ATP2B2: variants seen among roughly 807,000 people sequenced by gnomAD.
ATP2B2 encodes the protein plasma membrane calcium-transporting ATPase 2.
ATP2B2 carries 15 observed loss-of-function variants against 120.0 expected under a neutral mutation model. That is an observed-to-expected ratio of 0.12 (90% CI 0.08 to 0.19). The LOEUF is 0.19. ATP2B2 is among the 10% of genes least tolerant of loss of function. The pLI is 1.00. For missense variants in ATP2B2, 1,045 were observed against 1,719.8 expected (o/e 0.61, Z 6.94); for synonymous variants, 694 against 700.3 (o/e 0.99, Z 0.14).
At chr3:10,580,973 C>T (rs1207113899) in intron 2 of ATP2B2, among the ~76,000 whole-genome samples, 1 of 152,226 alleles carries the variant, frequency 6.6e-6, no homozygotes, top group Non-Finnish European at 1.5e-5. Context: ...CAGAAATTTG[C>T]TGACCCCCGT....
intron 22 of ATP2B2, chr3:10,331,785 G>A (rs879091030): frequency 2.8e-5 from 13 of 458,488 alleles, no homozygotes; most frequent in Middle Eastern, 5.3e-4. Context: ...CCTGGTGAGC[G>A]GGGTTTCAGA....
intron 2 of ATP2B2, among the ~76,000 whole-genome samples, chr3:10,616,789 A>C (rs1297843162): frequency 6.6e-6 from 1 of 152,178 alleles, no homozygotes; most frequent in Non-Finnish European, 1.5e-5. Context: ...GAAATTTAGA[A>C]AGTGCAGAAA....
intron 3 of ATP2B2, among the ~76,000 whole-genome samples, chr3:10,520,667 G>C (rs2066966726): frequency 6.6e-6 from 1 of 151,590 alleles, no homozygotes; most frequent in Admixed American, 6.6e-5. Flanking sequence ...GTTTCGCCAG[G>C]TTGGTCTTGA....
chr3:10,330,997 G>A (rs898955689), intron 22 of ATP2B2, among the ~76,000 whole-genome samples: 9 of 152,104 alleles, frequency 5.9e-5, no homozygotes, highest in African/African-American at 1.7e-4. Flanking sequence ...GTCAGTCATC[G>A]CTTACTAGTT....
At chr3:10,669,740 T>A (rs1451410054) in intron 1 of ATP2B2, among the ~76,000 whole-genome samples, 1 of 151,806 alleles carries the variant, frequency 6.6e-6, no homozygotes, top group Non-Finnish European at 1.5e-5. Flanking sequence ...TGGAGGTGAG[T>A]CCTCATTTTA....
chr3:10,689,481 A>G (rs2071605193), intron 1 of ATP2B2, among the ~76,000 whole-genome samples: 1 of 152,226 alleles, frequency 6.6e-6, no homozygotes, highest in Non-Finnish European at 1.5e-5. Context: ...ATTAACACAA[A>G]ACAAAGAAAA....
intron 1 of ATP2B2, among the ~76,000 whole-genome samples, chr3:10,649,331 A>C (rs1309519734): frequency 6.6e-6 from 1 of 152,232 alleles, no homozygotes; most frequent in Non-Finnish European, 1.5e-5. Context: ...AGAATATTTC[A>C]TCATCACAGA....
At chr3:10,515,286 G>A (rs1174294774) in intron 3 of ATP2B2, among the ~76,000 whole-genome samples, 7 of 152,286 alleles carry the variant, frequency 4.6e-5, no homozygotes, top group Non-Finnish European at 1.5e-5. Flanking sequence ...TATGTACATG[G>A]CACATAGTGG....
chr3:10,688,454 T>C (rs2071577330), intron 1 of ATP2B2, among the ~76,000 whole-genome samples: 1 of 152,200 alleles, frequency 6.6e-6, no homozygotes, highest in Non-Finnish European at 1.5e-5. Flanking sequence ...TTCAACATGT[T>C]TCTTTGGGGC....
At chr3:10,414,722 G>T (rs528716821) in intron 2 of ATP2B2, among the ~76,000 whole-genome samples, 20 of 152,280 alleles carry the variant, frequency 1.3e-4, no homozygotes, top group Non-Finnish European at 2.8e-4. Flanking sequence ...ATTGGGACAG[G>T]GCGATGTGGC....
At chr3:10,453,401 A>G (rs1284574601) in intron 1 of ATP2B2, among the ~76,000 whole-genome samples, 4 of 152,258 alleles carry the variant, frequency 2.6e-5, no homozygotes, top group Non-Finnish European at 5.9e-5. Context: ...TATTATCCCT[A>G]GAACATATGA....
At chr3:10,543,361 T>C (rs531939347) in intron 2 of ATP2B2, among the ~76,000 whole-genome samples, 6 of 152,314 alleles carry the variant, frequency 3.9e-5, no homozygotes, top group Admixed American at 2.6e-4. Context: ...TCTACAATTA[T>C]CTGAAAAGGC....
At chr3:10,371,761 T>A (rs528789640) in intron 12 of ATP2B2, 48 bp downstream of exon 12, 5 of 1,613,924 alleles carry the variant, frequency 3.1e-6, no homozygotes, top group Non-Finnish European at 3.4e-6. Context: ...CTCTGTACCA[T>A]CCCATGGATG....
intron 2 of ATP2B2, among the ~76,000 whole-genome samples, chr3:10,575,502 T>G (rs114150064): frequency 6.6e-6 from 1 of 152,272 alleles, no homozygotes; most frequent in South Asian, 2.1e-4. Context: ...TGGAGATGGA[T>G]AGTGGTGATG....
chr3:10,343,275 G>A lies in ATP2B2; in HGVS notation c.2704-310C>T, dbSNP rs1393647966. On this transcript the variant is annotated intron_variant, in intron 18 of 22. Coordinates refer to ENST00000360273, the MANE Select transcript of ATP2B2 (RefSeq NM_001001331.4). The surrounding 1 kb of genome is among the most constrained non-coding windows in gnomAD (Gnocchi z 4.2). The stretch of plus-strand genomic sequence containing the variant: ...TCTTCCCCTCTCCCCTCCAGCCCCC[G>A]AGGAGGGGGTCTCTCCTGGCTGAGG... Among the ~76,000 whole-genome samples, 3 of 147,594 alleles carry A rather than the reference G, an allele frequency of 2.0e-5. No homozygotes were observed. Among genetic ancestry groups the A allele is most frequent in the Non-Finnish European group, 4.5e-5 (3 of 67,118 alleles).
At chr3:10,691,161 T>C (rs907347578) in intron 1 of ATP2B2, among the ~76,000 whole-genome samples, 1 of 152,246 alleles carries the variant, frequency 6.6e-6, no homozygotes, top group South Asian at 2.1e-4. Flanking sequence ...CCTTGCAGGC[T>C]GTGTGACTTC....
At chr3:10,360,796 G>T (rs777645449) in intron 12 of ATP2B2, among the ~76,000 whole-genome samples, 14 of 152,192 alleles carry the variant, frequency 9.2e-5, no homozygotes, top group Non-Finnish European at 1.9e-4. Context: ...GTGTGCGTGT[G>T]TATTTTCTAT....
chr3:10,511,030 C>G (rs543272229), intron 3 of ATP2B2, among the ~76,000 whole-genome samples: 4 of 152,316 alleles, frequency 2.6e-5, no homozygotes, highest in Admixed American at 2.6e-4. Flanking sequence ...CACTGTGGCT[C>G]ATGAGGCCCA....
intron 3 of ATP2B2, among the ~76,000 whole-genome samples, chr3:10,511,972 G>A (rs781059460): frequency 7.2e-5 from 11 of 152,158 alleles, no homozygotes; most frequent in Non-Finnish European, 1.5e-4. Context: ...GATGAATCCA[G>A]GAATGTCAGA....
Sources: allele counts gnomAD v4.1 joint callset (sites outside exome capture counted in the v4.1 genomes callset), GRCh38; gene constraint gnomAD v4.1.1; non-coding constraint Gnocchi (gnomAD v3.1); transcripts MANE v1.5; gene names NCBI Gene and HGNC (gene_info 2026-07-23, HGNC 2026-07-21).